Variants in SLC16A13 observed in about 807,000 individuals in gnomAD.
The protein encoded by SLC16A13 is monocarboxylate transporter 13.
Under a neutral mutation model 28.1 loss-of-function variants are expected in SLC16A13, and 28 were observed. That is an observed-to-expected ratio of 1.00 (90% CI 0.74 to 1.37). The LOEUF is 1.37. Among genes scored for constraint, SLC16A13 ranks in the 40% most tolerant of loss-of-function variants. The pLI is 0.00. For synonymous variants in SLC16A13, 228 were observed against 241.6 expected, an observed-to-expected ratio of 0.94 and a Z score of 0.52; for missense variants, 482 against 531.8, an observed-to-expected ratio of 0.91 and a Z score of 0.92.
rs776125641 is a variant in SLC16A13, at chr17:7,036,683, G to C, written c.200-44G>C. On this transcript the variant is annotated intron_variant, in intron 1 of 3. Coordinates refer to ENST00000308027, the MANE Select transcript of SLC16A13 (RefSeq NM_201566.3). ...GCGAGGGGCGGGAGATGCTGGGGGG[G>C]AGACCCCTGAGATCTTCTCGCAGCG... 4.4e-6 allele frequency: 7 copies of C among 1,606,824 alleles called. No individual in the cohort carries two copies. In the African/African-American group the frequency reaches 8.0e-5, roughly 18 times the overall value.
chr17:7,038,643 C>T lies in SLC16A13; in HGVS notation c.835C>T (p.Pro279Ser). The T allele has an allele frequency of 6.2e-7, 1 of 1,614,186 alleles. No individual in the cohort carries two copies. The highest frequency in any genetic ancestry group is 8.5e-7 in the Non-Finnish European group (1 of 1,180,022). Residue 279 changes from proline to serine, a missense_variant, in exon 3 of 4, where the codon CCT (proline) becomes TCT (serine). By Grantham distance (74) the Pro-to-Ser change is moderately conservative. Transcript: ENST00000308027. The surrounding 1 kb of genome is among the most constrained non-coding windows in gnomAD (Gnocchi z 5.7). ...SGWLGDAVPG[P>S]VTRLLMLWTT... Reference sequence around the variant, plus strand: ...ATGGCTGGGAGATGCAGTCCCAGGGCCTGTGACACGACTCCTGATGCTCTG... The same window carrying T: ...ATGGCTGGGAGATGCAGTCCCAGGGTCTGTGACACGACTCCTGATGCTCTG...
At position 7,037,499 on chromosome 17, in the gene SLC16A13, G is replaced by T. The variant is rs1464153240; in HGVS notation, c.343+629G>T. On this transcript the variant is annotated intron_variant, in intron 2 of 3. Transcript: ENST00000308027. ...CCCAGCACTTTGGGAGGCCGAGGCG[G>T]GCGGATCACGAGGTCAGGAGATCAA... 1.9e-4 allele frequency among the ~76,000 whole-genome samples: 29 copies of T among 151,852 alleles called. 2 individuals carry two copies. The highest frequency in any genetic ancestry group is 2.9e-5 in the Non-Finnish European group (2 of 67,928).
intron 1 of SLC16A13, 30 bp from the exon 2 acceptor site, chr17:7,036,697 C>G (rs202003639): frequency 6.2e-7 from 1 of 1,609,318 alleles, no homozygotes; most frequent in South Asian, 1.1e-5. Flanking sequence ...CCCCTGAGAT[C>G]TTCTCGCAGC....
intron 2 of SLC16A13, among the ~76,000 whole-genome samples, chr17:7,037,224 C>T (rs1294408237): frequency 6.9e-6 from 1 of 144,088 alleles, no homozygotes; most frequent in Admixed American, 7.1e-5. Flanking sequence ...TGGCGCTAAT[C>T]CCAGTTACTC....
Position 7,036,878 on chromosome 17 carries a change from C to A in SLC16A13, c.343+8C>A. The stretch of plus-strand genomic sequence containing the variant: ...GTATTGGGTTGCTGTCAGGTGAGAG[C>A]CTGCACAAGGGCAGGAGAGTCAAAT... On this transcript the variant is annotated splice_region_variant and intron_variant, in intron 2 of 3. Coordinates refer to ENST00000308027, the MANE Select transcript of SLC16A13 (RefSeq NM_201566.3). The A allele has an allele frequency of 6.2e-7, 1 of 1,611,034 alleles. No individual in the cohort carries two copies. Among genetic ancestry groups the A allele is most frequent in the Non-Finnish European group, 8.5e-7 (1 of 1,179,830 alleles).
Position 7,039,759 on chromosome 17 carries a change from C to G in SLC16A13, c.1082-4C>G, listed in dbSNP as rs1910672154. On this transcript the variant is annotated splice_region_variant and splice_polypyrimidine_tract_variant and intron_variant, in intron 3 of 3. Transcript: ENST00000308027. The surrounding 1 kb of genome is among the most constrained non-coding windows in gnomAD (Gnocchi z 4.3). ...TGTGTATTCTTTTTCTCTCTTGGAC[C>G]TAGGCTACCTCCGGGATGTGACAGG... 2.5e-6 allele frequency: 4 copies of G among 1,614,158 alleles called. No individual in the cohort carries two copies. The highest frequency in any genetic ancestry group is 2.5e-6 in the Non-Finnish European group (3 of 1,180,004).
intron 2 of SLC16A13, 53 bp downstream of exon 2, chr17:7,036,923 C>T (rs1910597288): frequency 1.3e-6 from 2 of 1,590,648 alleles, no homozygotes; most frequent in Non-Finnish European, 1.7e-6. Context: ...GTTGGATGTT[C>T]ACCTCCTTCC....
Position 7,036,338 on chromosome 17 carries a change from G to A in SLC16A13, c.-45G>A, listed in dbSNP as rs756527193. The A allele has an allele frequency of 5.1e-6, 8 of 1,558,482 alleles. No individual in the cohort carries two copies. In the South Asian group the frequency reaches 9.4e-5, roughly 18 times the overall value. On this transcript the variant is annotated 5_prime_UTR_variant, in exon 1 of 4. Transcript: ENST00000308027. ...GCAGAGGTGCGGCGTCCAGAACCCG[G>A]CTCCTGCAGAGGCTCTGGGTGGCAG... is the stretch of plus-strand genomic sequence containing the variant.
Sources: gnomAD v4.1 joint callset for allele counts (sites outside exome capture counted in the v4.1 genomes callset) on GRCh38, gnomAD v4.1.1 for gene constraint, Gnocchi (gnomAD v3.1) non-coding constraint, MANE v1.5 for transcripts, NCBI Gene and HGNC (gene_info 2026-07-23, HGNC 2026-07-21) for gene names.